Variants in CCDC7 observed in about 807,000 individuals in gnomAD.
CCDC7 encodes coiled-coil domain-containing protein 7.
CCDC7 carries 183 observed loss-of-function variants against 196.9 expected under a neutral mutation model. That is an observed-to-expected ratio of 0.93 (90% CI 0.82 to 1.05). CCDC7 has a LOEUF of 1.05. CCDC7 is among the 50% of genes least tolerant of loss of function. The pLI is 0.00. For missense variants in CCDC7, 1,540 were observed against 1,482.2 expected (o/e 1.04, Z -0.64); for synonymous variants, 525 against 484.6 (o/e 1.08, Z -1.10).
At chr10:32,804,930 TACACACACACAC>T (rs35054696) in intron 29 of CCDC7, 73 bp from the exon 31 acceptor site, 3 of 630,876 alleles carry the variant, frequency 4.8e-6, no homozygotes, top group African/African-American at 1.8e-5. Context: ...ATTAATTTAA[TACACACACACAC>T]ACACACACAC....
intron 30 of CCDC7, 38 bp from the exon 32 acceptor site, chr10:32,814,331 AT>A (rs2087892456): frequency 7.7e-7 from 1 of 1,306,126 alleles, no homozygotes; most frequent in East Asian, 2.3e-5. Flanking sequence ...TGTATAAATG[AT>A]TACCTTACAG....
At chr10:32,679,843 A>G (rs1219165543) in intron 21 of CCDC7, among the ~76,000 whole-genome samples, 1 of 152,224 alleles carries the variant, frequency 6.6e-6, no homozygotes, top group African/African-American at 2.4e-5. Context: ...TAAGTATATT[A>G]GTGGTCAATT....
chr10:32,853,288 CTT>C (rs1305927164), intron 40 of CCDC7, among the ~76,000 whole-genome samples: 1 of 152,048 alleles, frequency 6.6e-6, no homozygotes, highest in East Asian at 1.9e-4. Flanking sequence ...TATCTATACT[CTT>C]GCTTTATGAT....
chr10:32,653,708 T>C (rs1244973102), intron 20 of CCDC7, among the ~76,000 whole-genome samples: 1 of 152,208 alleles, frequency 6.6e-6, no homozygotes, highest in East Asian at 1.9e-4. Context: ...TACACCTGAA[T>C]ATAAATTTTA....
At chr10:32,881,434 G>A (rs1401644951), downstream of CCDC7, among the ~76,000 whole-genome samples, 1 of 152,176 alleles carries the variant, frequency 6.6e-6, no homozygotes, top group Non-Finnish European at 1.5e-5. Flanking sequence ...CAAGGAATAA[G>A]TGGTGTTGAT....
chr10:32,653,306 C>T (rs1238277544), intron 20 of CCDC7, among the ~76,000 whole-genome samples: 2 of 152,080 alleles, frequency 1.3e-5, no homozygotes, highest in South Asian at 2.1e-4. Flanking sequence ...TCAAGGACCA[C>T]AGAGTTCTAA....
At chr10:32,728,295 C>T (rs1190999764) in intron 26 of CCDC7, among the ~76,000 whole-genome samples, 1 of 152,042 alleles carries the variant, frequency 6.6e-6, no homozygotes, top group Non-Finnish European at 1.5e-5. Flanking sequence ...ATAATTTAAC[C>T]ATGAGTCTCA....
chr10:32,650,070 G>A (rs565953005), intron 20 of CCDC7, among the ~76,000 whole-genome samples: 3 of 152,310 alleles, frequency 2.0e-5, no homozygotes, highest in South Asian at 4.1e-4. Context: ...TCATTTGGAG[G>A]CAAGGCGACA....
chr10:32,650,695 C>G (rs999055324), intron 20 of CCDC7, among the ~76,000 whole-genome samples: 5 of 152,050 alleles, frequency 3.3e-5, no homozygotes, highest in Admixed American at 2.6e-4. Context: ...GTACCAAGCA[C>G]AAATCTCAGC....
chr10:32,767,970 C>T (rs2078594331), intron 28 of CCDC7, among the ~76,000 whole-genome samples: 2 of 151,818 alleles, frequency 1.3e-5, no homozygotes, highest in African/African-American at 4.8e-5. Flanking sequence ...ATTCAATGGA[C>T]ATATACAAAA....
chr10:32,838,338 T>C (rs2092761998), intron 33 of CCDC7, among the ~76,000 whole-genome samples: 1 of 151,988 alleles, frequency 6.6e-6, no homozygotes, highest in Non-Finnish European at 1.5e-5. Flanking sequence ...AGAGAAATGC[T>C]AAGTGCACTG....
At chr10:32,571,798 G>A (rs949139532) in intron 15 of CCDC7, 61 bp from the exon 17 acceptor site, 19 of 1,377,096 alleles carry the variant, frequency 1.4e-5, no homozygotes, top group Middle Eastern at 3.8e-4. Flanking sequence ...TTTTCTAAAT[G>A]ACTGTAAACA....
intron 18 of CCDC7, among the ~76,000 whole-genome samples, chr10:32,606,136 G>T (rs1248231582): frequency 3.9e-5 from 6 of 152,228 alleles, no homozygotes. Context: ...CCCAGATACA[G>T]CTCAGGCCAC....
At position 32,782,470 on chromosome 10, in the gene CCDC7, C is replaced by T. The variant is rs565392879; in HGVS notation, c.3013+3386C>T. Among the ~76,000 whole-genome samples, 15 of 152,228 alleles carry T rather than the reference C, an allele frequency of 9.9e-5. No individual in the cohort carries two copies. In the East Asian group the frequency reaches 1.5e-3, roughly 16 times the overall value. ...CTCAAACTCCTGACCTCAAGTGATT[C>T]GTCTGCCTTGGCCTCCCAAAGTGCT... On this transcript the variant is annotated intron_variant, in intron 29 of 41. Coordinates refer to ENST00000639629, the Ensembl canonical transcript of CCDC7.
intron 8 of CCDC7, chr10:32,481,877 C>T (rs1055657116): frequency 3.9e-5 from 6 of 152,018 alleles, no homozygotes; most frequent in Non-Finnish European, 8.8e-5. Flanking sequence ...TGCTGATAGC[C>T]CTATGGGGAT....
At chr10:32,830,013 C>T (rs2091927342) in intron 32 of CCDC7, among the ~76,000 whole-genome samples, 1 of 150,026 alleles carries the variant, frequency 6.7e-6, no homozygotes, top group East Asian at 1.9e-4. Context: ...ACTTGACTGG[C>T]TCTCCTTGTT....
intron 41 of CCDC7, among the ~76,000 whole-genome samples, chr10:32,872,424 A>G (rs1200620471): frequency 6.6e-6 from 1 of 151,534 alleles, no homozygotes; most frequent in Non-Finnish European, 1.5e-5. Flanking sequence ...TTTTGAGCCT[A>G]TGTGTGTCTC....
intron 28 of CCDC7, among the ~76,000 whole-genome samples, chr10:32,766,389 A>G (rs922095596): frequency 2.6e-5 from 4 of 151,988 alleles, no homozygotes; most frequent in African/African-American, 9.7e-5. Flanking sequence ...ACCAAGAACA[A>G]GAGAAGGTTC....
intron 13 of CCDC7, among the ~76,000 whole-genome samples, chr10:32,563,673 G>A (rs1250442711): frequency 6.6e-6 from 1 of 152,128 alleles, no homozygotes; most frequent in Non-Finnish European, 1.5e-5. Flanking sequence ...AGACTTAAAT[G>A]TTAGACCTAA....
Sources: allele counts gnomAD v4.1 joint callset (sites outside exome capture counted in the v4.1 genomes callset), GRCh38; gene constraint gnomAD v4.1.1; transcripts MANE v1.5; gene names NCBI Gene and HGNC (gene_info 2026-07-23, HGNC 2026-07-21).